The following RIMS1 variants were observed in gnomAD, a reference collection of about 807,000 sequenced individuals.
RIMS1 encodes regulating synaptic membrane exocytosis 1, also known as regulating synaptic membrane exocytosis protein 1.
RIMS1 carries 83 observed loss-of-function variants against 214.1 expected under a neutral mutation model. The ratio of observed to expected loss-of-function variants is 0.39; its 90% CI spans 0.32 to 0.47. RIMS1 has a LOEUF of 0.47. Among genes scored for constraint, RIMS1 ranks in the 20% least tolerant of loss-of-function variants. The pLI, the probability that RIMS1 is intolerant of heterozygous loss-of-function variation, is 0.99. For synonymous variants in RIMS1, 793 were observed against 786.8 expected, an observed-to-expected ratio of 1.01 and a Z score of -0.13; for missense variants, 2,050 against 2,161.8, an observed-to-expected ratio of 0.95 and a Z score of 1.03.
At chr6:72,220,877 CATTT>C (rs2058161875) in intron 6 of RIMS1, among the ~76,000 whole-genome samples, 1 of 151,930 alleles carries the variant, frequency 6.6e-6, no homozygotes, top group Non-Finnish European at 1.5e-5. Flanking sequence ...TTTAGGCAGA[CATTT>C]AGTTATAGAG....
At chr6:72,009,259 A>G (rs1809266314) in intron 2 of RIMS1, among the ~76,000 whole-genome samples, 1 of 152,210 alleles carries the variant, frequency 6.6e-6, no homozygotes, top group South Asian at 2.1e-4. Flanking sequence ...AGAAATAAAG[A>G]TGTTCTTTGA....
At chr6:72,292,478 A>G (rs1253868024) in intron 26 of RIMS1, among the ~76,000 whole-genome samples, 1 of 152,156 alleles carries the variant, frequency 6.6e-6, no homozygotes, top group Non-Finnish European at 1.5e-5. Context: ...AGTAGCCTAT[A>G]TTTTAAGTTT....
At chr6:72,182,165 A>C in intron 5 of RIMS1, 119 bp from the exon 6 acceptor site, 1 of 1,148,832 alleles carries the variant, frequency 8.7e-7, no homozygotes, top group Non-Finnish European at 1.2e-6. Flanking sequence ...CTTCAGATCC[A>C]AATCCCTATA....
rs527748120 is a variant in RIMS1 at position 72,182,898 on chromosome 6, T to C, written c.1427T>C (p.Leu476Pro). 6.4e-7 allele frequency: 1 copy of C among 1,574,244 alleles called. No individual in the cohort carries two copies. The highest frequency in any genetic ancestry group is 1.2e-5 in the South Asian group (1 of 85,718). ...AQEPLRKQSRLDPSSAVLMRK... is the reference protein window; with the variant it reads ...AQEPLRKQSRPDPSSAVLMRK... ...GAGCCCCTCAGGAAGCAGAGCCGCC[T>C]GGACCCCAGCTCGGCGGTCCTCATG... Residue 476 changes from leucine (L) to proline (P), a missense_variant, in exon 6 of 34, where the codon CTG (leucine) becomes CCG (proline). Leu to Pro is a moderately conservative substitution (Grantham distance 98). Around this residue, in one of 6 missense-constraint regions of RIMS1, gnomAD observed 882 missense variants for 828.9 expected, o/e 1.06. Transcript: ENST00000521978.
At chr6:72,198,555 C>T (rs1366440784) in intron 6 of RIMS1, among the ~76,000 whole-genome samples, 3 of 151,786 alleles carry the variant, frequency 2.0e-5, no homozygotes, top group Non-Finnish European at 4.4e-5. Flanking sequence ...TACAAACTTA[C>T]AGTTAGATAG....
chr6:72,257,618 G>T (rs958847263), intron 16 of RIMS1, among the ~76,000 whole-genome samples: 1 of 151,952 alleles, frequency 6.6e-6, no homozygotes, highest in Non-Finnish European at 1.5e-5. Context: ...ACTCTTCTTT[G>T]TTAATTAAAA....
At chr6:71,926,848 T>C (rs554188573) in intron 1 of RIMS1, among the ~76,000 whole-genome samples, 65 of 152,282 alleles carry the variant, frequency 4.3e-4, no homozygotes, top group African/African-American at 1.5e-3. Flanking sequence ...AAATACCACC[T>C]AGACCAGCAG....
At chr6:72,152,566 AATGTATGTGC>A (rs1349186482) in intron 4 of RIMS1, among the ~76,000 whole-genome samples, 4 of 151,938 alleles carry the variant, frequency 2.6e-5, no homozygotes, top group African/African-American at 9.7e-5. Context: ...GTATATCTAC[AATGTATGTGC>A]ATGTGCTTGT....
At chr6:72,018,998 A>G (rs1229639792) in intron 2 of RIMS1, among the ~76,000 whole-genome samples, 1 of 152,174 alleles carries the variant, frequency 6.6e-6, no homozygotes, top group Non-Finnish European at 1.5e-5. Flanking sequence ...GCTTGATTAG[A>G]TAAGAAATTG....
At chr6:72,257,797 A>G (rs1320115274) in intron 16 of RIMS1, among the ~76,000 whole-genome samples, 1 of 152,148 alleles carries the variant, frequency 6.6e-6, no homozygotes, top group African/African-American at 2.4e-5. Flanking sequence ...CAAGCACTTC[A>G]TTTGTGTTGC....
chr6:72,139,761 A>G (rs971260272), intron 4 of RIMS1, among the ~76,000 whole-genome samples: 4 of 152,164 alleles, frequency 2.6e-5, no homozygotes, highest in Admixed American at 2.6e-4. Context: ...CCTAATGTGT[A>G]CATTGTTGTT....
At chr6:72,148,398 G>A (rs186866968) in intron 4 of RIMS1, among the ~76,000 whole-genome samples, 154 of 152,228 alleles carry the variant, frequency 1.0e-3, no homozygotes, top group African/African-American at 3.4e-3. Context: ...AAAAAAAGAT[G>A]TCCCCATTTT....
intron 2 of RIMS1, among the ~76,000 whole-genome samples, chr6:72,033,606 C>G (rs1288483526): frequency 6.6e-6 from 1 of 151,866 alleles, no homozygotes; most frequent in South Asian, 2.1e-4. Context: ...CTCAGCCTCC[C>G]GAGTAGCTGG....
At chr6:72,212,746 A>G (rs1028055043) in intron 6 of RIMS1, 2 of 900,150 alleles carry the variant, frequency 2.2e-6, no homozygotes, top group African/African-American at 1.8e-5. Context: ...TCTGGCAGAG[A>G]GCTTATTTCC....
intron 29 of RIMS1, 47 bp from the exon 30 acceptor site, chr6:72,390,551 A>G (rs370593812): frequency 6.4e-7 from 1 of 1,552,946 alleles, no homozygotes; most frequent in Admixed American, 1.9e-5. Flanking sequence ...ATTCAGGAGT[A>G]AACTGTCTAA....
intron 6 of RIMS1, among the ~76,000 whole-genome samples, chr6:72,196,663 A>G (rs1289006606): frequency 7.5e-6 from 1 of 134,036 alleles, no homozygotes; most frequent in East Asian, 2.4e-4. Context: ...AAATCTCAGC[A>G]TTTGTTTTTC....
chr6:72,012,073 T>G (rs189802871), intron 2 of RIMS1, among the ~76,000 whole-genome samples: 28 of 152,184 alleles, frequency 1.8e-4, no homozygotes, highest in African/African-American at 6.3e-4. Flanking sequence ...AAGACTTGGA[T>G]CCAACCCAAA....
At chr6:72,330,018 G>A (rs957964073) in intron 28 of RIMS1, among the ~76,000 whole-genome samples, 1 of 151,806 alleles carries the variant, frequency 6.6e-6, no homozygotes, top group Non-Finnish European at 1.5e-5. Context: ...AGACATCTGT[G>A]GAGTTCAGTT....
chr6:72,346,311 T>G (rs2097264094), intron 29 of RIMS1, among the ~76,000 whole-genome samples: 1 of 151,812 alleles, frequency 6.6e-6, no homozygotes, highest in South Asian at 2.1e-4. Flanking sequence ...GCTAATATTT[T>G]TATCTGTTCA....
Sources: allele counts gnomAD v4.1 joint callset (sites outside exome capture counted in the v4.1 genomes callset), GRCh38; gene constraint gnomAD v4.1.1; regional missense constraint gnomAD v4.1.1; transcripts MANE v1.5; gene names NCBI Gene and HGNC (gene_info 2026-07-23, HGNC 2026-07-21).